PATJ: variants seen among roughly 807,000 people sequenced by gnomAD.
The protein encoded by PATJ is inaD-like protein.
A neutral mutation model predicts 224.9 loss-of-function variants in PATJ; 190 were observed. That is an observed-to-expected ratio of 0.84 (90% CI 0.75 to 0.95). PATJ has a LOEUF of 0.95. Among genes scored for constraint, PATJ ranks in the 40% least tolerant of loss-of-function variants. The pLI, the probability that PATJ is intolerant of heterozygous loss-of-function variation, is 0.00. For synonymous variants in PATJ, 769 were observed against 820.3 expected (o/e 0.94, Z 1.07); for missense variants, 2,121 against 2,270.3 (o/e 0.93, Z 1.34).
intron 41 of PATJ, among the ~76,000 whole-genome samples, chr1:62,140,870 C>T (rs1202923030): frequency 6.6e-6 from 1 of 151,840 alleles, no homozygotes; most frequent in African/African-American, 2.4e-5. Flanking sequence ...GATCGCACCA[C>T]TGCACTCCAC....
intron 21 of PATJ, among the ~76,000 whole-genome samples, chr1:61,882,537 T>C (rs1438957288): frequency 6.6e-6 from 1 of 152,212 alleles, no homozygotes; most frequent in African/African-American, 2.4e-5. Context: ...CCCTCATAAC[T>C]GGGTCATCTC....
intron 34 of PATJ, among the ~76,000 whole-genome samples, chr1:62,110,918 T>C (rs1303760640): frequency 1.3e-5 from 2 of 152,202 alleles, no homozygotes; most frequent in African/African-American, 2.4e-5. Flanking sequence ...AAATAATGCA[T>C]ACTGTGCTTC....
chr1:62,104,488 A>G (rs1003768470), intron 33 of PATJ, among the ~76,000 whole-genome samples: 2 of 152,048 alleles, frequency 1.3e-5, no homozygotes, highest in Admixed American at 6.6e-5. Flanking sequence ...AATTAATGTA[A>G]TTATCCAGAA....
chr1:62,045,026 T>C (rs1034922573), intron 30 of PATJ, among the ~76,000 whole-genome samples: 1 of 152,166 alleles, frequency 6.6e-6, no homozygotes, highest in Non-Finnish European at 1.5e-5. Context: ...AAGACCAGCC[T>C]GGCCAACATG....
chr1:61,819,986 G>A (rs1382913681), intron 14 of PATJ, among the ~76,000 whole-genome samples: 1 of 152,052 alleles, frequency 6.6e-6, no homozygotes, highest in Non-Finnish European at 1.5e-5. Context: ...AGGAAGTGAT[G>A]CATTTTGAGT....
Position 62,127,989 on chromosome 1 carries a change from T to G in PATJ, c.5061T>G (p.Leu1687=), listed in dbSNP as rs199708304. ...TTTTTTAGGAGCTCAGTGATGCCCT[T>G]GGAATCAGTATTGCTGGAGGAAGAG... ...VEINRELSDA[L]GISIAGGRGS... is the part of the protein sequence containing the mutation. Residue 1687 remains leucine, a synonymous_variant, in exon 40 of 44, where the codon CTT becomes CTG. Transcript: ENST00000642238. The G allele has an allele frequency of 1.4e-5, 23 of 1,614,062 alleles. No homozygotes were observed. In the Admixed American group the frequency reaches 1.5e-4, roughly 11 times the overall value.
chr1:62,013,267 C>A, intron 28 of PATJ: 1 of 756,668 alleles, frequency 1.3e-6, no homozygotes, highest in Non-Finnish European at 1.6e-6. Context: ...CAGACATATC[C>A]ATAAACATGA....
At chr1:61,964,469 C>T (rs546791892) in intron 27 of PATJ, among the ~76,000 whole-genome samples, 1 of 152,188 alleles carries the variant, frequency 6.6e-6, no homozygotes, top group African/African-American at 2.4e-5. Flanking sequence ...TTAAAGCTTC[C>T]AGAAAAGATT....
chr1:61,896,034 C>A (rs1022909360), intron 22 of PATJ, among the ~76,000 whole-genome samples: 2 of 152,116 alleles, frequency 1.3e-5, no homozygotes, highest in Non-Finnish European at 2.9e-5. Context: ...CGGTTGCTGA[C>A]GCCTATAATC....
At chr1:62,039,028 G>C in intron 30 of PATJ, 6 of 1,079,600 alleles carry the variant, frequency 5.6e-6, no homozygotes, top group South Asian at 1.2e-5. Flanking sequence ...TACTCCTGTA[G>C]TGTGTCCAGC....
At chr1:62,048,620 A>G (rs1323777442) in intron 30 of PATJ, among the ~76,000 whole-genome samples, 1 of 151,980 alleles carries the variant, frequency 6.6e-6, no homozygotes, top group African/African-American at 2.4e-5. Flanking sequence ...TCTAGAAACA[A>G]AAGTTAACTG....
In PATJ at chr1:61,801,775, C is replaced by A; in HGVS notation, c.1549+6C>A. Reference sequence around the variant, plus strand: ...ACAAGCCTTAGAAAAATTGGGTAGGCACAAAGCATTCACTTTGCGATAACA... The same window carrying A: ...ACAAGCCTTAGAAAAATTGGGTAGGAACAAAGCATTCACTTTGCGATAACA... On this transcript the variant is annotated splice_donor_region_variant and intron_variant, in intron 12 of 43. Coordinates refer to ENST00000642238, the MANE Select transcript of PATJ (RefSeq NM_001350145.3). The A allele has an allele frequency of 6.5e-7, 1 of 1,547,900 alleles. No homozygotes were observed. Among genetic ancestry groups the A allele is most frequent in the South Asian group, 1.3e-5 (1 of 78,930 alleles).
intron 41 of PATJ, among the ~76,000 whole-genome samples, chr1:62,147,197 G>A (rs1668124176): frequency 6.6e-6 from 1 of 152,082 alleles, no homozygotes; most frequent in Admixed American, 6.6e-5. Context: ...GGATGGAATG[G>A]GAGACAATGG....
At chr1:62,038,846 A>T (rs989737270) in intron 30 of PATJ, 1 of 719,624 alleles carries the variant, frequency 1.4e-6, no homozygotes, top group East Asian at 2.7e-5. Flanking sequence ...GGTGGGATGG[A>T]GGCGACCTTG....
intron 27 of PATJ, among the ~76,000 whole-genome samples, chr1:61,949,409 C>T (rs1035845683): frequency 2.0e-5 from 3 of 150,554 alleles, no homozygotes; most frequent in Admixed American, 6.6e-5. Flanking sequence ...GATGGTTGCA[C>T]AACTCCAATA....
chr1:62,108,911 G>A (rs888451462), intron 34 of PATJ, among the ~76,000 whole-genome samples: 8 of 152,084 alleles, frequency 5.3e-5, no homozygotes, highest in African/African-American at 1.7e-4. Flanking sequence ...TTTTATGGCA[G>A]CTTAAATCAT....
At chr1:62,073,106 T>TGTACTTTAG in intron 31 of PATJ, 1 of 985,252 alleles carries the variant, frequency 1.0e-6, no homozygotes, top group Non-Finnish European at 1.2e-6. Context: ...GTACATAACT[T>TGTACTTTAG]GTACTTTAGG....
intron 26 of PATJ, among the ~76,000 whole-genome samples, chr1:61,924,058 A>C (rs1392318041): frequency 6.6e-6 from 1 of 151,958 alleles, no homozygotes; most frequent in African/African-American, 2.4e-5. Flanking sequence ...GTAGAGTGAA[A>C]GAATAGGCAA....
chr1:62,132,873 C>T (rs943309596), intron 41 of PATJ, among the ~76,000 whole-genome samples: 2 of 151,512 alleles, frequency 1.3e-5, no homozygotes, highest in African/African-American at 2.4e-5. Context: ...CACTGCACTC[C>T]GGCCTGGATG....
Sources: allele counts gnomAD v4.1 joint callset (sites outside exome capture counted in the v4.1 genomes callset), GRCh38; gene constraint gnomAD v4.1.1; transcripts MANE v1.5; gene names NCBI Gene and HGNC (gene_info 2026-07-23, HGNC 2026-07-21).